The following ADNP2 variants were observed in gnomAD, a reference collection of about 807,000 sequenced individuals.
ADNP2 encodes ADNP homeobox 2.
ADNP2 carries 8 observed loss-of-function variants against 16.4 expected under a neutral mutation model. The ratio of observed to expected loss-of-function variants is 0.49; its 90% CI spans 0.29 to 0.88. The LOEUF (loss-of-function observed/expected upper bound fraction) is 0.88, where lower values mean the gene tolerates loss of function less well. Ranked by LOEUF, ADNP2 falls within the 40% of genes least tolerant of loss-of-function variation. ADNP2 has a pLI of 0.09. For synonymous variants in ADNP2, 637 were observed against 545.8 expected, an observed-to-expected ratio of 1.17 and a Z score of -2.33; for missense variants, 1,397 against 1,395.1, an observed-to-expected ratio of 1.00 and a Z score of -0.02.
chr18:80,127,842 G>T (rs376280181), intron 2 of ADNP2, among the ~76,000 whole-genome samples: 1 of 152,118 alleles, frequency 6.6e-6, no homozygotes, highest in Non-Finnish European at 1.5e-5. Flanking sequence ...CCCCTCTCCC[G>T]GTGGACTCTG....
chr18:80,138,012 C>T lies in ADNP2; in HGVS notation c.2599C>T (p.Pro867Ser), dbSNP rs761839723. Reference sequence around the variant, plus strand: ...GGTGAGGCCTCAGGCTGAGGGCACCCCCGGGAGCACCGGCAAGCGAGTGTC... The same window carrying T: ...GGTGAGGCCTCAGGCTGAGGGCACCTCCGGGAGCACCGGCAAGCGAGTGTC... Reference protein sequence around the residue: ...VKVRPQAEGTPGSTGKRVSTC... With the variant: ...VKVRPQAEGTSGSTGKRVSTC... Residue 867 changes from proline to serine, a missense_variant, in exon 4 of 4, where the codon CCC becomes TCC. Physicochemically the swap from Pro to Ser is moderately conservative, Grantham distance 74. Around this residue, in one of 3 missense-constraint regions of ADNP2, gnomAD observed 611 missense variants for 648.7 expected, o/e 0.94. Coordinates refer to ENST00000262198, the MANE Select transcript of ADNP2 (RefSeq NM_014913.4). 4.3e-6 allele frequency: 7 copies of T among 1,613,420 alleles called. No homozygotes were observed. The highest frequency in any genetic ancestry group is 2.7e-5 in the African/African-American group (2 of 74,916).
At chr18:80,112,085 A>C (rs1391282641) in intron 1 of ADNP2, among the ~76,000 whole-genome samples, 2 of 152,130 alleles carry the variant, frequency 1.3e-5, no homozygotes, top group Non-Finnish European at 2.9e-5. Flanking sequence ...CGCCCCGGTT[A>C]GCCTGCTGTT....
intron 1 of ADNP2, among the ~76,000 whole-genome samples, chr18:80,116,414 C>A (rs943347623): frequency 4.6e-5 from 7 of 152,114 alleles, no homozygotes; most frequent in African/African-American, 1.4e-4. Flanking sequence ...CATATGTTAC[C>A]TATATTTTTA....
chr18:80,119,354 G>A (rs975869158), intron 2 of ADNP2, among the ~76,000 whole-genome samples: 36 of 149,726 alleles, frequency 2.4e-4, no homozygotes, highest in African/African-American at 7.9e-4. Flanking sequence ...GGAGCTTGCA[G>A]TGAGCTGAGA....
At chr18:80,133,244 C>A (rs2145210799) in intron 3 of ADNP2, 52 bp downstream of exon 3, 1 of 1,423,162 alleles carries the variant, frequency 7.0e-7, no homozygotes, top group Non-Finnish European at 9.9e-7. Flanking sequence ...TGAGCAGTGA[C>A]TGTAAATGTG....
chr18:80,136,765 C>T lies in ADNP2; in HGVS notation c.1352C>T (p.Ala451Val). Residue 451 changes from alanine (A) to valine (V), a missense_variant, in exon 4 of 4, where the codon GCA becomes GTA. Ala to Val is a moderately conservative substitution (Grantham distance 64). Coordinates refer to ENST00000262198, the MANE Select transcript of ADNP2 (RefSeq NM_014913.4). ...GCGGTCCCGTCTGGAGTCCTTCCTG[C>T]AGGCCAGATGACTCCTGCAGGCCAG... ...SRAVPSGVLP[A>V]GQMTPAGQMT... 1 of 1,597,656 alleles carries T rather than the reference C, an allele frequency of 6.3e-7. No homozygotes were observed. The highest frequency in any genetic ancestry group is 8.5e-7 in the Non-Finnish European group (1 of 1,169,788).
At chr18:80,113,500 A>C (rs558946146) in intron 1 of ADNP2, among the ~76,000 whole-genome samples, 1 of 151,964 alleles carries the variant, frequency 6.6e-6, no homozygotes. Flanking sequence ...TACCTCAATA[A>C]TTTTTTGATG....
intron 2 of ADNP2, among the ~76,000 whole-genome samples, chr18:80,122,818 GTTC>G (rs2052433303): frequency 6.6e-6 from 1 of 152,082 alleles, no homozygotes; most frequent in Non-Finnish European, 1.5e-5. Context: ...TTGCCTCATT[GTTC>G]TGTTTAGAAC....
intron 3 of ADNP2, among the ~76,000 whole-genome samples, chr18:80,134,113 A>G (rs2052515800): frequency 6.6e-6 from 1 of 152,130 alleles, no homozygotes; most frequent in Non-Finnish European, 1.5e-5. Context: ...ACTGTGATTT[A>G]GTTCTCCTCC....
At chr18:80,110,052 C>T (rs1258146511) in intron 1 of ADNP2, 1 of 152,148 alleles carries the variant, frequency 6.6e-6, no homozygotes, top group African/African-American at 2.4e-5. Flanking sequence ...CCTAAATCTG[C>T]CCAGGTTTTT....
chr18:80,126,859 C>T (rs1352621793), intron 2 of ADNP2, among the ~76,000 whole-genome samples: 3 of 152,186 alleles, frequency 2.0e-5, no homozygotes, highest in African/African-American at 7.2e-5. Context: ...CAGTTTTGCT[C>T]TCCACAGTCA....
intron 2 of ADNP2, among the ~76,000 whole-genome samples, chr18:80,132,798 C>T (rs2052506700): frequency 6.6e-6 from 1 of 151,940 alleles, no homozygotes; most frequent in African/African-American, 2.4e-5. Flanking sequence ...CAGCTCACTG[C>T]AACCTCCACC....
rs566037737 is a variant in ADNP2 at position 80,124,489 on chromosome 18, A to G, written c.108+6839A>G. On this transcript the variant is annotated intron_variant, in intron 2 of 3. Transcript: ENST00000262198. ...TATAAAGAATCACAGTGAAAGAGAT[A>G]CATAGGGCAAGGTATAGGGGAAGGG... Among the ~76,000 whole-genome samples, 7 of 152,360 alleles carry G rather than the reference A, an allele frequency of 4.6e-5. No homozygotes were observed. The East Asian group carries it at 9.6e-4, about 21-fold the overall frequency.
In ADNP2 at chr18:80,136,326, G is replaced by A. The variant is rs372770642; in HGVS notation, c.913G>A (p.Ala305Thr). 31 of 1,614,062 alleles carry A rather than the reference G, an allele frequency of 1.9e-5. No homozygotes were observed. In the African/African-American group the frequency reaches 2.5e-4, roughly 13 times the overall value. Residue 305 changes from alanine (A) to threonine (T), a missense_variant, in exon 4 of 4, where the codon GCA becomes ACA. Ala to Thr is a moderately conservative substitution (Grantham distance 58). This residue lies in a region of ADNP2 where 777 missense variants were observed against 719.4 expected (regional missense o/e 1.08). Transcript: ENST00000262198. The part of the protein sequence containing the change: ...ALPQNSPSPA[A>T]GQPVTVAQGA... The stretch of plus-strand genomic sequence containing the variant: ...GCCACAGAACAGTCCAAGCCCAGCC[G>A]CAGGACAGCCAGTGACTGTGGCCCA...
intron 2 of ADNP2, among the ~76,000 whole-genome samples, chr18:80,132,736 TTTC>T (rs892453799): frequency 1.1e-4 from 17 of 149,482 alleles, no homozygotes; most frequent in African/African-American, 3.9e-4. Context: ...TCTCTCTCTC[TTTC>T]TTCTTTTCTT....
chr18:80,116,246 A>T (rs559084932), intron 1 of ADNP2, among the ~76,000 whole-genome samples: 4 of 152,214 alleles, frequency 2.6e-5, no homozygotes, highest in African/African-American at 9.6e-5. Flanking sequence ...GATATGTCAT[A>T]TTTTATTTAT....
chr18:80,134,970 A>G (rs1599820959), intron 3 of ADNP2, among the ~76,000 whole-genome samples: 1 of 152,242 alleles, frequency 6.6e-6, no homozygotes, highest in East Asian at 1.9e-4. Flanking sequence ...TTAGTTATGG[A>G]TAAATTCCAG....
intron 2 of ADNP2, among the ~76,000 whole-genome samples, chr18:80,128,868 G>A (rs550656448): frequency 2.7e-4 from 41 of 151,966 alleles, no homozygotes; most frequent in African/African-American, 9.6e-4. Flanking sequence ...TTTCTAATTA[G>A]AAAATGAAAT....
At chr18:80,123,430 G>C (rs574457919) in intron 2 of ADNP2, among the ~76,000 whole-genome samples, 1 of 152,104 alleles carries the variant, frequency 6.6e-6, no homozygotes, top group African/African-American at 2.4e-5. Flanking sequence ...GGAGTGCAGT[G>C]GCGCAATCTT....
Sources: allele counts gnomAD v4.1 joint callset (sites outside exome capture counted in the v4.1 genomes callset), GRCh38; gene constraint gnomAD v4.1.1; regional missense constraint gnomAD v4.1.1; transcripts MANE v1.5; gene names NCBI Gene and HGNC (gene_info 2026-07-23, HGNC 2026-07-21).